NRG3: variants seen among roughly 807,000 people sequenced by gnomAD.
The protein encoded by NRG3 is pro-neuregulin-3, membrane-bound isoform.
In NRG3, 31 loss-of-function variants were observed where a neutral mutation model predicts 66.9. The observed-to-expected ratio is 0.46, with a 90% CI of 0.35 to 0.63. The LOEUF (loss-of-function observed/expected upper bound fraction) is 0.63. Among genes scored for constraint, NRG3 ranks in the 20% least tolerant of loss-of-function variants. The pLI, the probability that NRG3 is intolerant of heterozygous loss-of-function variation, is 0.00. For missense variants in NRG3, 910 were observed against 878.9 expected (o/e 1.04, Z -0.45); for synonymous variants, 393 against 359.4 (o/e 1.09, Z -1.06).
intron 2 of NRG3, among the ~76,000 whole-genome samples, chr10:82,421,435 A>G (rs547026424): frequency 2.6e-4 from 39 of 152,020 alleles, no homozygotes; most frequent in Non-Finnish European, 4.9e-4. Context: ...TGCGGCAACA[A>G]TGATGTACTC....
chr10:82,785,273 G>A (rs1438915600), intron 3 of NRG3, among the ~76,000 whole-genome samples: 1 of 151,726 alleles, frequency 6.6e-6, no homozygotes, highest in Admixed American at 6.6e-5. Context: ...GTTAATGGGT[G>A]CAGCACACCA....
chr10:82,232,670 C>A, intron 1 of NRG3: 1 of 698,508 alleles, frequency 1.4e-6, no homozygotes, highest in Admixed American at 2.1e-5. Context: ...ATTTATGAGA[C>A]AATCGGCCAG....
intron 2 of NRG3, among the ~76,000 whole-genome samples, chr10:82,669,248 GTAA>G (rs5786560): frequency 0.36 from 51,870 of 142,656 alleles, 9,426 homozygotes; most frequent in East Asian, 0.39. Context: ...ATTTATGATG[GTAA>G]TAATAATAAT....
intron 2 of NRG3, among the ~76,000 whole-genome samples, chr10:82,418,518 A>G (rs1048164365): frequency 2.0e-5 from 3 of 151,938 alleles, no homozygotes; most frequent in Non-Finnish European, 4.4e-5. Flanking sequence ...GGAACATTTG[A>G]ACTTTGCAGA....
intron 2 of NRG3, among the ~76,000 whole-genome samples, chr10:82,558,439 C>T (rs1442331365): frequency 6.6e-6 from 1 of 152,180 alleles, no homozygotes; most frequent in Non-Finnish European, 1.5e-5. Context: ...TCTAGATGAT[C>T]TAAGCCTAGT....
intron 1 of NRG3, among the ~76,000 whole-genome samples, chr10:82,045,885 C>T (rs183807865): frequency 0.058 from 8,606 of 149,236 alleles, 858 homozygotes; most frequent in African/African-American, 0.2. Context: ...TGTAGATATG[C>T]GGTGTTATTT....
chr10:82,278,987 A>G (rs1170947211), intron 1 of NRG3, among the ~76,000 whole-genome samples: 1 of 152,104 alleles, frequency 6.6e-6, no homozygotes, highest in Admixed American at 6.6e-5. Context: ...ACGATATTGC[A>G]CAGCACATGT....
intron 1 of NRG3, among the ~76,000 whole-genome samples, chr10:81,911,603 GTTTTTTTTTTTTTT>G (rs796518872): frequency 1.0e-4 from 8 of 77,964 alleles, no homozygotes; most frequent in Admixed American, 1.4e-4. Context: ...GCACAGACTT[GTTTTTTTTTTTTTT>G]TTTTTTTTTT....
In NRG3 at chr10:82,795,546, G is replaced by T. The variant is rs193097978; in HGVS notation, c.1027+56896G>T. Among the ~76,000 whole-genome samples, 538 of 152,196 alleles carry T rather than the reference G, an allele frequency of 3.5e-3. 9 individuals carry two copies. Among genetic ancestry groups the T allele is most frequent in the South Asian group, 0.015 (70 of 4,820 alleles). On this transcript the variant is annotated intron_variant, in intron 3 of 8. Coordinates refer to ENST00000372141, the MANE Select transcript of NRG3 (RefSeq NM_001010848.4). Reference sequence around the variant, plus strand: ...CAACATTACAACAAATTTCTTTATAGATCTAATTGGCTTTTATAGGTGATA... The same window carrying T: ...CAACATTACAACAAATTTCTTTATATATCTAATTGGCTTTTATAGGTGATA...
intron 3 of NRG3, among the ~76,000 whole-genome samples, chr10:82,822,685 G>A (rs1303595204): frequency 1.3e-5 from 2 of 152,158 alleles, no homozygotes; most frequent in Middle Eastern, 3.4e-3. Context: ...TTTGTAGGCA[G>A]CATTTTGCAG....
At chr10:82,660,055 G>T (rs1225577744) in intron 2 of NRG3, among the ~76,000 whole-genome samples, 2 of 151,380 alleles carry the variant, frequency 1.3e-5, no homozygotes, top group African/African-American at 2.4e-5. Context: ...AATTATCTGG[G>T]CATGGTGGTG....
intron 4 of NRG3, among the ~76,000 whole-genome samples, chr10:82,909,691 T>C (rs1034141918): frequency 5.9e-5 from 9 of 152,190 alleles, no homozygotes; most frequent in African/African-American, 9.6e-5. Flanking sequence ...CTCACTGAAG[T>C]TTTTGGCTTA....
chr10:82,024,925 G>A (rs961782412), intron 1 of NRG3, among the ~76,000 whole-genome samples: 3 of 152,016 alleles, frequency 2.0e-5, no homozygotes, highest in Admixed American at 6.6e-5. Context: ...TGTAATTACT[G>A]TAATTTGGAG....
At chr10:82,614,100 A>C (rs1245757304) in intron 2 of NRG3, among the ~76,000 whole-genome samples, 1 of 148,188 alleles carries the variant, frequency 6.7e-6, no homozygotes, top group African/African-American at 2.5e-5. Flanking sequence ...AGGTTTCACC[A>C]TGTTGGCCAG....
chr10:82,490,990 A>G (rs567058919), intron 2 of NRG3, among the ~76,000 whole-genome samples: 2 of 152,136 alleles, frequency 1.3e-5, no homozygotes, highest in East Asian at 3.9e-4. Context: ...CCCATTCTCA[A>G]AAATGACCTC....
chr10:82,267,894 A>C (rs1023598505), intron 1 of NRG3, among the ~76,000 whole-genome samples: 3 of 152,168 alleles, frequency 2.0e-5, no homozygotes, highest in Admixed American at 1.3e-4. Context: ...AATTGAAGGG[A>C]CACCTGTCTT....
chr10:82,645,051 A>G (rs576729814), intron 2 of NRG3, among the ~76,000 whole-genome samples: 1 of 152,322 alleles, frequency 6.6e-6, no homozygotes, highest in Admixed American at 6.5e-5. Flanking sequence ...CATTGATGCT[A>G]TGACAAAGGT....
intron 1 of NRG3, among the ~76,000 whole-genome samples, chr10:82,258,227 C>T (rs916963123): frequency 7.9e-5 from 12 of 152,292 alleles, no homozygotes; most frequent in Admixed American, 5.9e-4. Context: ...ATGAATGGAA[C>T]GTTCCTAGGG....
intron 6 of NRG3, among the ~76,000 whole-genome samples, chr10:82,964,391 A>G (rs1850997623): frequency 1.3e-5 from 2 of 152,208 alleles, no homozygotes; most frequent in South Asian, 4.1e-4. Context: ...CAGTTAACAC[A>G]TGAAGAATCC....
Sources: allele counts gnomAD v4.1 joint callset (sites outside exome capture counted in the v4.1 genomes callset), GRCh38; gene constraint gnomAD v4.1.1; transcripts MANE v1.5; gene names NCBI Gene and HGNC (gene_info 2026-07-23, HGNC 2026-07-21).